The following TRIO variants were observed in gnomAD, a reference collection of about 807,000 sequenced individuals.
The protein encoded by TRIO is triple functional domain protein.
Under a neutral mutation model 351.9 loss-of-function variants are expected in TRIO, and 58 were observed. That is an observed-to-expected ratio of 0.16 (90% confidence interval 0.13 to 0.21). The LOEUF (loss-of-function observed/expected upper bound fraction) is 0.21. Ranked by LOEUF, TRIO falls within the 10% of genes least tolerant of loss-of-function variation. The probability of loss-of-function intolerance (pLI) is 1.00; values close to 1 mark genes in which losing one functional copy is unlikely to be tolerated. For synonymous variants in TRIO, 1,758 were observed against 1,595.7 expected, an observed-to-expected ratio of 1.10 and a Z score of -2.42; for missense variants, 3,201 against 4,027.8, an observed-to-expected ratio of 0.79 and a Z score of 5.56.
chr5:14,297,459 C>T (rs1561306826), intron 7 of TRIO, 196 bp downstream of exon 7: 1 of 571,170 alleles, frequency 1.8e-6, no homozygotes, highest in South Asian at 3.1e-5. Context: ...GTGACTTAGC[C>T]TCTCTGTTTT....
At chr5:14,485,267 A>G (rs1755834194) in intron 47 of TRIO, 21 bp downstream of exon 47, 1 of 1,556,352 alleles carries the variant, frequency 6.4e-7, no homozygotes, top group South Asian at 1.2e-5. Flanking sequence ...TTCTGTTACT[A>G]GATGTGTGCT....
At position 14,208,977 on chromosome 5, in the gene TRIO, G is replaced by A. The variant is rs79059501; in HGVS notation, c.158-61848G>A. Among the ~76,000 whole-genome samples, 114 of 152,336 alleles carry A rather than the reference G, an allele frequency of 7.5e-4. 2 individuals carry two copies. Among genetic ancestry groups the A allele is most frequent in the African/African-American group, 2.4e-3 (100 of 41,568 alleles). ...GTAAAACTGGATTGTGATGCTGGTTGTGCAATTATAAATTTATTACAGTCC... is the reference window on the plus strand; with the variant it reads ...GTAAAACTGGATTGTGATGCTGGTTATGCAATTATAAATTTATTACAGTCC... On this transcript the variant is annotated intron_variant, in intron 1 of 56. Transcript: ENST00000344204.
At chr5:14,349,328 C>A (rs562660305) in intron 11 of TRIO, among the ~76,000 whole-genome samples, 3 of 150,862 alleles carry the variant, frequency 2.0e-5, no homozygotes, top group Middle Eastern at 7.1e-3. Context: ...TGTGTGTGCA[C>A]GCACATGAGC....
intron 1 of TRIO, among the ~76,000 whole-genome samples, chr5:14,251,969 T>TAAAA (rs1554041668): frequency 1.5e-5 from 2 of 137,552 alleles, no homozygotes; most frequent in African/African-American, 2.8e-5. Context: ...AGAGGCAACT[T>TAAAA]AAAAAAAAAA....
chr5:14,191,200 A>G (rs1790437191), intron 1 of TRIO, among the ~76,000 whole-genome samples: 1 of 152,216 alleles, frequency 6.6e-6, no homozygotes, highest in Non-Finnish European at 1.5e-5. Flanking sequence ...TTTGTCTCAA[A>G]AAGACCAATA....
At chr5:14,363,653 T>C (rs1744347659) in intron 13 of TRIO, 79 bp from the exon 14 acceptor site, 1 of 1,391,474 alleles carries the variant, frequency 7.2e-7, no homozygotes. Flanking sequence ...GAGACATCTC[T>C]TCCTTCCTTA....
In TRIO at chr5:14,504,653, G is replaced by T. The variant is rs1561572328; in HGVS notation, c.8612+60G>T. On this transcript the variant is annotated intron_variant, in intron 55 of 56. Transcript: ENST00000344204. ...CTCTGCCTCCACCTCAGGGGGTTTT[G>T]TTGTTCCTGTTTGTTCTCTAAGAAG... The T allele has an allele frequency of 1.3e-5, 21 of 1,567,274 alleles. No individual in the cohort carries two copies. In the South Asian group the frequency reaches 2.4e-4, roughly 18 times the overall value.
intron 2 of TRIO, among the ~76,000 whole-genome samples, chr5:14,271,763 T>C (rs1795988056): frequency 6.6e-6 from 1 of 152,280 alleles, no homozygotes; most frequent in African/African-American, 2.4e-5. Context: ...TGCTGATCTG[T>C]GTATCCTCTT....
At chr5:14,344,437 C>G (rs891456215) in intron 11 of TRIO, among the ~76,000 whole-genome samples, 1 of 152,078 alleles carries the variant, frequency 6.6e-6, no homozygotes, top group African/African-American at 2.4e-5. Context: ...ACAAACACAC[C>G]CCCTAAATTT....
At chr5:14,281,150 A>G (rs922063698) in intron 3 of TRIO, among the ~76,000 whole-genome samples, 2 of 152,154 alleles carry the variant, frequency 1.3e-5, no homozygotes, top group Admixed American at 6.5e-5. Flanking sequence ...CCCTATATTA[A>G]TGTATTAGTT....
At chr5:14,507,455 G>C (rs62345881) in intron 56 of TRIO, among the ~76,000 whole-genome samples, 195 bp downstream of exon 56, 4 of 152,196 alleles carry the variant, frequency 2.6e-5, no homozygotes, top group African/African-American at 4.8e-5. Flanking sequence ...ACGGTCAGGA[G>C]CACACTGGGT....
chr5:14,255,105 C>T (rs1236055188), intron 1 of TRIO, among the ~76,000 whole-genome samples: 1 of 152,204 alleles, frequency 6.6e-6, no homozygotes, highest in Non-Finnish European at 1.5e-5. Flanking sequence ...CTGTATTCTT[C>T]AACTCATTTG....
intron 31 of TRIO, among the ~76,000 whole-genome samples, chr5:14,403,701 T>TGG: frequency 8.3e-6 from 1 of 119,890 alleles, no homozygotes; most frequent in Non-Finnish European, 1.7e-5. Flanking sequence ...AGGGTGTAGG[T>TGG]TGTGGTGAGG....
In TRIO at chr5:14,263,999, G is replaced by C. The variant is rs534649606; in HGVS notation, c.158-6826G>C. Among the ~76,000 whole-genome samples the C allele has an allele frequency of 2.6e-5, 4 of 152,296 alleles. No homozygotes were observed. In the South Asian group the frequency reaches 8.3e-4, roughly 32 times the overall value. ...GGTTTCTTTTTTGACTTATGAGACT[G>C]TAAGAAATAGAGTCCCTTTATAATA... On this transcript the variant is annotated intron_variant, in intron 1 of 56. Transcript: ENST00000344204.
intron 1 of TRIO, among the ~76,000 whole-genome samples, chr5:14,163,585 C>G (rs1015615679): frequency 3.9e-5 from 6 of 152,180 alleles, no homozygotes; most frequent in Admixed American, 6.5e-5. Context: ...ATGTGTAAGT[C>G]TTAAAAGATT....
Position 14,487,665 on chromosome 5 carries a change from G to A in TRIO, c.7037G>A (p.Arg2346Gln), listed in dbSNP as rs761855758. The A allele has an allele frequency of 4.4e-6, 6 of 1,367,484 alleles. No individual in the cohort carries two copies. The highest frequency in any genetic ancestry group is 6.4e-5 in the East Asian group (2 of 31,074). 84.7% of individuals were successfully genotyped at this position (1,367,484 alleles called of 1,614,324 possible). A position where few individuals can be genotyped will look rare whatever the true frequency, so the allele number is the denominator to read the frequency against. ...CCCTCCCGGATCCCCCAGCCTGTCC[G>A]ACACCACCCCCCCGTGCTGGTCTCC... ...SRPSRIPQPV[R>Q]HHPPVLVSSA... The change falls in exon 48 of 57, where the codon CGA (arginine) becomes CAA (glutamine). Residue 2346 changes from arginine (R) to glutamine (Q), a missense_variant. Transcript: ENST00000344204.
intron 1 of TRIO, among the ~76,000 whole-genome samples, chr5:14,151,732 C>A (rs796514828): frequency 7.2e-5 from 11 of 152,312 alleles, no homozygotes; most frequent in African/African-American, 2.6e-4. Context: ...ATTGACCCAT[C>A]CACTTTTTCA....
chr5:14,176,963 AT>A (rs1183662669), intron 1 of TRIO, among the ~76,000 whole-genome samples: 1 of 152,252 alleles, frequency 6.6e-6, no homozygotes, highest in Non-Finnish European at 1.5e-5. Flanking sequence ...CATTTTAGAA[AT>A]GAAACACTTG....
In TRIO at chr5:14,496,854, C is replaced by A. The variant is rs558023241; in HGVS notation, c.7881-25C>A. ...TGGTGAATGTTGGAAAGGCATAATA[C>A]CCACAGTGTGTTCATTTCCCCTAGG... On this transcript the variant is annotated intron_variant, in intron 49 of 56. Coordinates refer to ENST00000344204, the MANE Select transcript of TRIO (RefSeq NM_007118.4). The A allele has an allele frequency of 3.1e-6, 5 of 1,612,820 alleles. No individual in the cohort carries two copies. In the African/African-American group the frequency reaches 6.7e-5, roughly 22 times the overall value.
Sources: allele counts gnomAD v4.1 joint callset (sites outside exome capture counted in the v4.1 genomes callset), GRCh38; gene constraint gnomAD v4.1.1; transcripts MANE v1.5; gene names NCBI Gene and HGNC (gene_info 2026-07-23, HGNC 2026-07-21).